Variants in DNAJC5 observed in about 807,000 individuals in gnomAD.
DNAJC5 encodes the protein dnaJ homolog subfamily C member 5.
In DNAJC5, 1 loss-of-function variant was observed where a neutral mutation model predicts 23.2. The observed-to-expected ratio is 0.04, with a 90% CI of 0.02 to 0.20. DNAJC5 has a LOEUF of 0.20. Ranked by LOEUF, DNAJC5 falls within the 10% of genes least tolerant of loss-of-function variation. DNAJC5 has a pLI of 1.00. For synonymous variants in DNAJC5, 136 were observed against 120.0 expected (o/e 1.13, Z -0.87); for missense variants, 180 against 267.0 (o/e 0.67, Z 2.27).
rs1474987122 is a variant in DNAJC5, at chr20:63,931,807, TG to T, written c.*243del. 1 of 571,718 alleles carries T rather than the reference TG, an allele frequency of 1.7e-6. No homozygotes were observed. The highest frequency in any genetic ancestry group is 3.2e-6 in the Non-Finnish European group (1 of 315,094). The allele number at this position is 571,718 out of a possible 1,614,324, so 35.4% of individuals were successfully genotyped here. A position where few individuals can be genotyped will look rare whatever the true frequency, so the allele number is the denominator to read the frequency against. On this transcript the variant is annotated 3_prime_UTR_variant, in exon 5 of 5. Transcript: ENST00000360864. The surrounding 1 kb of genome is among the most constrained non-coding windows in gnomAD (Gnocchi z 9.6). ...TTTTTCCCTTTTTTAATAGCATGTA[TG>T]GGGTTCTGTTCCATGTCTGTGTTGT...
chr20:63,901,548 C>A (rs938751941), intron 1 of DNAJC5, among the ~76,000 whole-genome samples: 3 of 152,238 alleles, frequency 2.0e-5, no homozygotes, highest in African/African-American at 7.2e-5. Flanking sequence ...CCGCGCGCTC[C>A]ACATCAGTCT....
rs548590579 is a variant in DNAJC5 at position 63,898,949 on chromosome 20, C to T, written c.-12+3626C>T. ...GTCCTGAGATGTGTCCAAGAAGCAC[C>T]GTCTTCTGTCAGACACACCTCCTGC... is the stretch of plus-strand genomic sequence containing the variant. On this transcript the variant is annotated intron_variant, in intron 1 of 4. Transcript: ENST00000360864. Among the ~76,000 whole-genome samples the T allele has an allele frequency of 2.6e-4, 40 of 152,288 alleles. No homozygotes were observed. The East Asian group carries it at 5.8e-3, about 22-fold the overall frequency.
intron 1 of DNAJC5, among the ~76,000 whole-genome samples, chr20:63,917,713 A>G (rs1425627846): frequency 1.3e-5 from 2 of 151,528 alleles, no homozygotes; most frequent in Non-Finnish European, 2.9e-5. Context: ...GCGCCATCAC[A>G]CCGAGGTAAT....
chr20:63,897,469 G>A (rs2053382627), intron 1 of DNAJC5, among the ~76,000 whole-genome samples: 1 of 152,296 alleles, frequency 6.6e-6, no homozygotes, highest in African/African-American at 2.4e-5. Flanking sequence ...AGGAGGCTGA[G>A]GCAGGAGAAT....
At chr20:63,908,005 A>T (rs1256607985) in intron 1 of DNAJC5, among the ~76,000 whole-genome samples, 1 of 152,142 alleles carries the variant, frequency 6.6e-6, no homozygotes, top group Non-Finnish European at 1.5e-5. Flanking sequence ...TGAGCTCGTG[A>T]TCCCCCCACC....
chr20:63,910,902 C>A (rs555455882), intron 1 of DNAJC5, among the ~76,000 whole-genome samples: 1 of 152,214 alleles, frequency 6.6e-6, no homozygotes, highest in Middle Eastern at 3.4e-3. Flanking sequence ...ATCTCCTGAC[C>A]TCATGATCCG....
chr20:63,901,283 G>T (rs557602117), intron 1 of DNAJC5, among the ~76,000 whole-genome samples: 1 of 152,280 alleles, frequency 6.6e-6, no homozygotes, highest in East Asian at 1.9e-4. Context: ...GAGGCATTCT[G>T]TGCCTGTTAT....
chr20:63,921,282 A>G (rs745470836), intron 1 of DNAJC5, among the ~76,000 whole-genome samples: 1 of 152,080 alleles, frequency 6.6e-6, no homozygotes, highest in Non-Finnish European at 1.5e-5. Flanking sequence ...TTTAAAGATA[A>G]TGATGTCACT....
intron 1 of DNAJC5, among the ~76,000 whole-genome samples, chr20:63,922,756 C>G (rs1275311081): frequency 6.6e-6 from 1 of 151,336 alleles, no homozygotes; most frequent in Non-Finnish European, 1.5e-5. Flanking sequence ...GGTGACAGAG[C>G]AAGACCCTGT....
Position 63,929,381 on chromosome 20 carries a change from G to T in DNAJC5, c.177G>T (p.Glu59Asp). 2.5e-6 allele frequency: 4 copies of T among 1,614,178 alleles called. No individual in the cohort carries two copies. Among genetic ancestry groups the T allele is most frequent in the Non-Finnish European group, 3.4e-6 (4 of 1,180,042 alleles). Residue 59 changes from glutamate (E) to aspartate (D), a missense_variant, in exon 3 of 5, where the codon GAG (glutamate) becomes GAT (aspartate). By Grantham distance (45) the Glu-to-Asp change is conservative. Around this residue, in one of 3 missense-constraint regions of DNAJC5, gnomAD observed 77 missense variants for 106.8 expected, o/e 0.72. Transcript: ENST00000360864. The surrounding 1 kb of genome is among the most constrained non-coding windows in gnomAD (Gnocchi z 8.6). Reference sequence around the variant, plus strand: ...CGGAGGCCGCGGACAAGTTTAAGGAGATCAACAACGCGCACGCCATCCTCA... The same window carrying T: ...CGGAGGCCGCGGACAAGTTTAAGGATATCAACAACGCGCACGCCATCCTCA... ...DNPEAADKFK[E>D]INNAHAILTD...
intron 1 of DNAJC5, among the ~76,000 whole-genome samples, chr20:63,910,260 G>A (rs139585748): frequency 1.2e-3 from 179 of 152,194 alleles, no homozygotes; most frequent in African/African-American, 4.1e-3. Flanking sequence ...AGTGATGTGC[G>A]CTGGCCGGGC....
intron 1 of DNAJC5, among the ~76,000 whole-genome samples, chr20:63,911,734 C>T (rs1259858227): frequency 2.0e-5 from 3 of 151,588 alleles, no homozygotes; most frequent in African/African-American, 7.3e-5. Flanking sequence ...AGTGCGGTGG[C>T]GCGATCTCGG....
chr20:63,914,781 A>G (rs1463817768), intron 1 of DNAJC5, among the ~76,000 whole-genome samples: 1 of 150,992 alleles, frequency 6.6e-6, no homozygotes. Flanking sequence ...ACGCCCTGCT[A>G]ATTTCTGTAT....
At chr20:63,900,909 A>G (rs1047636427) in intron 1 of DNAJC5, among the ~76,000 whole-genome samples, 7 of 152,218 alleles carry the variant, frequency 4.6e-5, no homozygotes, top group African/African-American at 1.7e-4. Flanking sequence ...CAGCAGAAAT[A>G]ATCATTTACG....
chr20:63,932,004 G>T lies in DNAJC5; in HGVS notation c.*436G>T, dbSNP rs1322618107. Reference sequence around the variant, plus strand: ...CCGGAGGCAGGTGCTGCCTGGCAGAGCTGTGTTACCGTCTTGGCCTCGGGG... The same window carrying T: ...CCGGAGGCAGGTGCTGCCTGGCAGATCTGTGTTACCGTCTTGGCCTCGGGG... On this transcript the variant is annotated 3_prime_UTR_variant, in exon 5 of 5. Transcript: ENST00000360864. The surrounding 1 kb of genome is among the most constrained non-coding windows in gnomAD (Gnocchi z 4.4). 2 of 332,136 alleles carry T rather than the reference G, an allele frequency of 6.0e-6. No individual in the cohort carries two copies. The highest frequency in any genetic ancestry group is 4.2e-5 in the Admixed American group (1 of 23,702). 20.6% of individuals were successfully genotyped at this position (332,136 alleles called of 1,614,324 possible).
intron 1 of DNAJC5, among the ~76,000 whole-genome samples, chr20:63,914,759 G>T (rs965537981): frequency 6.6e-6 from 1 of 151,878 alleles, no homozygotes; most frequent in Non-Finnish European, 1.5e-5. Flanking sequence ...GGGATTACAG[G>T]CACCTGCCAC....
intron 1 of DNAJC5, among the ~76,000 whole-genome samples, chr20:63,896,275 A>C (rs533745647): frequency 6.6e-6 from 1 of 152,144 alleles, no homozygotes; most frequent in South Asian, 2.1e-4. Context: ...ATGTCAGCTG[A>C]GTTTCAGGAA....
chr20:63,913,869 G>A (rs774434798), intron 1 of DNAJC5, among the ~76,000 whole-genome samples: 3 of 152,154 alleles, frequency 2.0e-5, no homozygotes, highest in African/African-American at 7.2e-5. Flanking sequence ...GTGAGCCACC[G>A]CGCCAGGCCC....
At chr20:63,895,827 A>G (rs1234165892) in intron 1 of DNAJC5, among the ~76,000 whole-genome samples, 1 of 152,258 alleles carries the variant, frequency 6.6e-6, no homozygotes, top group African/African-American at 2.4e-5. Flanking sequence ...TGTAAATTCC[A>G]AAAAGCATTT....
Sources: gnomAD v4.1 joint callset for allele counts (sites outside exome capture counted in the v4.1 genomes callset) on GRCh38, gnomAD v4.1.1 for gene constraint, gnomAD v4.1.1 regional missense constraint, Gnocchi (gnomAD v3.1) non-coding constraint, MANE v1.5 for transcripts, NCBI Gene and HGNC (gene_info 2026-07-23, HGNC 2026-07-21) for gene names.